Variants in NDUFB4 observed in about 807,000 individuals in gnomAD.
NDUFB4 encodes NADH dehydrogenase [ubiquinone] 1 beta subcomplex subunit 4.
A neutral mutation model predicts 14.5 loss-of-function variants in NDUFB4; 10 were observed. The observed-to-expected ratio is 0.69, with a 90% CI of 0.43 to 1.17. The LOEUF (loss-of-function observed/expected upper bound fraction) is 1.17, where lower values mean the gene tolerates loss of function less well. Among genes scored for constraint, NDUFB4 ranks in the 50% most tolerant of loss-of-function variants. NDUFB4 has a pLI of 0.00. For missense variants in NDUFB4, 165 were observed against 161.1 expected (o/e 1.02, Z -0.13); for synonymous variants, 65 against 63.4 (o/e 1.03, Z -0.12).
intron 1 of NDUFB4, among the ~76,000 whole-genome samples, chr3:120,600,634 A>C (rs763941254): frequency 3.9e-5 from 6 of 152,160 alleles, no homozygotes; most frequent in African/African-American, 1.4e-4. Context: ...TGGAAAGACT[A>C]TTTTGGTGAT....
At chr3:120,601,490 A>G (rs1184497912) in intron 2 of NDUFB4, 4 of 1,385,756 alleles carry the variant, frequency 2.9e-6, no homozygotes, top group Non-Finnish European at 3.7e-6. Context: ...TAAAAAGATG[A>G]TGTTTATTGG....
At position 120,601,207 on chromosome 3, in the gene NDUFB4, T is replaced by C. The variant is rs780626492; in HGVS notation, c.277T>C (p.Cys93Arg). 1 of 1,614,064 alleles carries C rather than the reference T, an allele frequency of 6.2e-7. No homozygotes were observed. The highest frequency in any genetic ancestry group is 1.1e-5 in the South Asian group (1 of 91,084). ...TPKNSLMGAL[C>R]GFGPLIFIYY... The stretch of plus-strand genomic sequence containing the variant: ...TAAAAACTCACTCATGGGAGCTCTG[T>C]GTGGATTTGGGCCCCTCATCTTCAT... The change falls in exon 2 of 3, where the codon TGT becomes CGT. Residue 93 changes from cysteine (C) to arginine (R), a missense_variant. Physicochemically the swap from Cys to Arg is radical, Grantham distance 180. Coordinates refer to ENST00000184266, the MANE Select transcript of NDUFB4 (RefSeq NM_004547.6).
chr3:120,596,704 T>C, intron 1 of NDUFB4, 165 bp downstream of exon 1: 2 of 757,280 alleles, frequency 2.6e-6, no homozygotes, highest in Non-Finnish European at 4.2e-6. Context: ...AGCTTGGCCC[T>C]CGAGAGGACC....
At position 120,602,425 on chromosome 3, in the gene NDUFB4, T is replaced by A; in HGVS notation, c.*155T>A. Reference sequence around the variant, plus strand: ...GCAGACGCAGCCCGTGTTGGGAATCTGCTGTCAGAGTGACAGCAAACATTT... The same window carrying A: ...GCAGACGCAGCCCGTGTTGGGAATCAGCTGTCAGAGTGACAGCAAACATTT... On this transcript the variant is annotated 3_prime_UTR_variant, in exon 3 of 3. Coordinates refer to ENST00000184266, the MANE Select transcript of NDUFB4 (RefSeq NM_004547.6). The A allele has an allele frequency of 1.5e-6, 1 of 649,486 alleles. No individual in the cohort carries two copies. Among genetic ancestry groups the A allele is most frequent in the South Asian group, 2.5e-5 (1 of 40,636 alleles). 40.2% of individuals were successfully genotyped at this position (649,486 alleles called of 1,614,324 possible). A position where few individuals can be genotyped will look rare whatever the true frequency, so the allele number is the denominator to read the frequency against.
At chr3:120,601,673 A>G (rs1940066775) in intron 2 of NDUFB4, 2 of 1,033,088 alleles carry the variant, frequency 1.9e-6, no homozygotes, top group Middle Eastern at 4.8e-4. Flanking sequence ...TGGGTATATG[A>G]TTGGAGAGAA....
intron 1 of NDUFB4, among the ~76,000 whole-genome samples, chr3:120,598,385 A>C (rs140682207): frequency 0.01 from 1,570 of 152,222 alleles, 28 homozygotes; most frequent in African/African-American, 0.036. Flanking sequence ...TGATTGATTG[A>C]ATCAATAAAT....
chr3:120,602,290 A>T lies in NDUFB4; in HGVS notation c.*20A>T, dbSNP rs745853175. 6.4e-7 allele frequency: 1 copy of T among 1,571,180 alleles called. No individual in the cohort carries two copies. The highest frequency in any genetic ancestry group is 1.1e-5 in the South Asian group (1 of 88,150). ...TATTAAGTCTGGCAATGATGACTAT[A>T]TGTATTCCTGCCTAAATAAATCATC... On this transcript the variant is annotated 3_prime_UTR_variant, in exon 3 of 3. Transcript: ENST00000184266.
At chr3:120,598,452 A>C (rs1940004205) in intron 1 of NDUFB4, among the ~76,000 whole-genome samples, 3 of 152,184 alleles carry the variant, frequency 2.0e-5, no homozygotes, top group Non-Finnish European at 4.4e-5. Context: ...AATGGAGATC[A>C]AAACAGGCAA....
chr3:120,600,959 T>C, intron 1 of NDUFB4, 152 bp from the exon 2 acceptor site: 1 of 625,576 alleles, frequency 1.6e-6, no homozygotes, highest in East Asian at 2.9e-5. Flanking sequence ...ATGAAAGATC[T>C]TTCCTGAAGC....
Position 120,596,391 on chromosome 3 carries a change from T to C in NDUFB4, c.32T>C (p.Leu11Pro). ...TTCCCAAAGTATAAGCCGTCGAGCC[T>C]GCGCACTCTGCCTGAGACCCTCGAC... Reference protein sequence around the residue: MSFPKYKPSSLRTLPETLDPA... With the variant: MSFPKYKPSSPRTLPETLDPA... Residue 11 changes from leucine (L) to proline (P), a missense_variant, in exon 1 of 3, where the codon CTG becomes CCG. Transcript: ENST00000184266. 3.1e-6 allele frequency: 5 copies of C among 1,614,178 alleles called. No homozygotes were observed. The highest frequency in any genetic ancestry group is 4.2e-6 in the Non-Finnish European group (5 of 1,180,016).
rs373440012 is a variant in NDUFB4, at chr3:120,602,279, A to G, written c.*9A>G. On this transcript the variant is annotated 3_prime_UTR_variant, in exon 3 of 3. Coordinates refer to ENST00000184266, the MANE Select transcript of NDUFB4 (RefSeq NM_004547.6). ...TTCACCTCTCATATTAAGTCTGGCA[A>G]TGATGACTATATGTATTCCTGCCTA... The G allele has an allele frequency of 7.5e-6, 12 of 1,596,542 alleles. No individual in the cohort carries two copies. Among genetic ancestry groups the G allele is most frequent in the African/African-American group, 2.7e-5 (2 of 74,200 alleles).
At chr3:120,597,263 G>A (rs1250889519) in intron 1 of NDUFB4, among the ~76,000 whole-genome samples, 2 of 151,748 alleles carry the variant, frequency 1.3e-5, no homozygotes, top group Non-Finnish European at 2.9e-5. Context: ...CTGTTACCTT[G>A]GGCAACTTCA....
chr3:120,597,307 A>G (rs1220073792), intron 1 of NDUFB4, among the ~76,000 whole-genome samples: 2 of 152,070 alleles, frequency 1.3e-5, no homozygotes, highest in Non-Finnish European at 2.9e-5. Flanking sequence ...GGTTTCGTAT[A>G]TAAATGATGT....
chr3:120,602,378 T>C lies in NDUFB4; in HGVS notation c.*108T>C. On this transcript the variant is annotated 3_prime_UTR_variant, in exon 3 of 3. Transcript: ENST00000184266. The stretch of plus-strand genomic sequence containing the variant: ...TACCTTGATTCAATGTTAAAAACTA[T>C]TAACACCCTAACAACACAGAAGCAG... 2 of 1,087,846 alleles carry C rather than the reference T, an allele frequency of 1.8e-6. No individual in the cohort carries two copies. Among genetic ancestry groups the C allele is most frequent in the Non-Finnish European group, 2.7e-6 (2 of 750,732 alleles). The allele number at this position is 1,087,846 out of a possible 1,614,324, so 67.4% of individuals were successfully genotyped here. A position where few individuals can be genotyped will look rare whatever the true frequency, so the allele number is the denominator to read the frequency against.
chr3:120,597,830 G>T (rs1276737619), intron 1 of NDUFB4, among the ~76,000 whole-genome samples: 1 of 152,040 alleles, frequency 6.6e-6, no homozygotes, highest in Non-Finnish European at 1.5e-5. Flanking sequence ...TCACATGATT[G>T]GGTTTGATGT....
intron 1 of NDUFB4, among the ~76,000 whole-genome samples, chr3:120,598,121 C>T (rs1329252945): frequency 2.7e-5 from 4 of 150,844 alleles, no homozygotes; most frequent in East Asian, 1.9e-4. Flanking sequence ...GGTATGATCT[C>T]GGCTCACTGC....
At chr3:120,599,741 T>C (rs1395458525) in intron 1 of NDUFB4, among the ~76,000 whole-genome samples, 1 of 152,172 alleles carries the variant, frequency 6.6e-6, no homozygotes, top group East Asian at 1.9e-4. Flanking sequence ...AAGACAGATC[T>C]GGCAGATATT....
At position 120,602,496 on chromosome 3, in the gene NDUFB4, T is replaced by G; in HGVS notation, c.*226T>G. 2.1e-6 allele frequency: 1 copy of G among 484,478 alleles called. No individual in the cohort carries two copies. The allele number at this position is 484,478 out of a possible 1,614,324, so 30.0% of individuals were successfully genotyped here. On this transcript the variant is annotated 3_prime_UTR_variant, in exon 3 of 3. Coordinates refer to ENST00000184266, the MANE Select transcript of NDUFB4 (RefSeq NM_004547.6). ...ACATAAACTTCATTAAACTGTGAGCTCTTAGAAAGTACAGATTCTACAATC... is the reference window on the plus strand; with the variant it reads ...ACATAAACTTCATTAAACTGTGAGCGCTTAGAAAGTACAGATTCTACAATC...
chr3:120,596,563 G>A (rs1359466419), intron 1 of NDUFB4, 24 bp downstream of exon 1: 1 of 1,610,202 alleles, frequency 6.2e-7, no homozygotes, highest in Non-Finnish European at 8.5e-7. Context: ...CTCCCAGGCG[G>A]GAATAGGGCC....
Sources: gnomAD v4.1 joint callset for allele counts (sites outside exome capture counted in the v4.1 genomes callset) on GRCh38, gnomAD v4.1.1 for gene constraint, MANE v1.5 for transcripts, NCBI Gene and HGNC (gene_info 2026-07-23, HGNC 2026-07-21) for gene names.